The following LARGE1 variants were observed in gnomAD, a reference collection of about 807,000 sequenced individuals.
The protein encoded by LARGE1 is LARGE xylosyl- and glucuronyltransferase 1, also known as xylosyl- and glucuronyltransferase LARGE1.
In LARGE1, 43 loss-of-function variants were observed where a neutral mutation model predicts 87.6. That is an observed-to-expected ratio of 0.49 (90% confidence interval 0.38 to 0.63). LARGE1 has a LOEUF of 0.63. LARGE1 is among the 30% of genes least tolerant of loss of function. The pLI is 0.00. For synonymous variants in LARGE1, 434 were observed against 394.6 expected (o/e 1.10, Z -1.18); for missense variants, 802 against 1,000.2 (o/e 0.80, Z 2.67).
chr22:33,481,051 A>G (rs2069299181), intron 6 of LARGE1, among the ~76,000 whole-genome samples: 1 of 152,088 alleles, frequency 6.6e-6, no homozygotes, highest in Non-Finnish European at 1.5e-5. Context: ...CTCATCTCTT[A>G]TAATTTCCTG....
At chr22:33,754,643 C>A (rs578137882) in intron 2 of LARGE1, among the ~76,000 whole-genome samples, 1 of 152,266 alleles carries the variant, frequency 6.6e-6, no homozygotes, top group Non-Finnish European at 1.5e-5. Flanking sequence ...GCCAGCTCTT[C>A]ATTTTTGATC....
At chr22:33,187,901 A>G (rs137401) in intron 11 of LARGE1, among the ~76,000 whole-genome samples, 76,543 of 127,602 alleles carry the variant, frequency 0.6, 23,385 homozygotes, top group Middle Eastern at 0.67. Context: ...TCTCCTGGGC[A>G]ACAGAGTGAG....
At chr22:33,827,716 C>T (rs1310532241) in intron 1 of LARGE1, among the ~76,000 whole-genome samples, 5 of 152,036 alleles carry the variant, frequency 3.3e-5, no homozygotes, top group African/African-American at 1.2e-4. Context: ...CAAGTGGGCC[C>T]GTCACGGAGA....
chr22:33,862,210 C>T (rs193115939), intron 1 of LARGE1, among the ~76,000 whole-genome samples: 160 of 152,182 alleles, frequency 1.1e-3, no homozygotes, highest in African/African-American at 3.5e-3. Flanking sequence ...CGAGAGCTCA[C>T]GGCAAGTGGT....
intron 6 of LARGE1, among the ~76,000 whole-genome samples, chr22:33,458,518 G>A (rs1228948435): frequency 2.6e-5 from 4 of 151,684 alleles, no homozygotes; most frequent in Non-Finnish European, 4.4e-5. Context: ...CACAACCTCC[G>A]CTTCCCGGGT....
At chr22:33,339,175 A>G (rs1285319530) in intron 9 of LARGE1, among the ~76,000 whole-genome samples, 1 of 146,600 alleles carries the variant, frequency 6.8e-6, no homozygotes. Context: ...AAAAAAAAAG[A>G]AGAAGAAGAA....
intron 1 of LARGE1, among the ~76,000 whole-genome samples, chr22:33,841,561 C>T (rs1176495186): frequency 3.3e-5 from 5 of 152,206 alleles, no homozygotes; most frequent in African/African-American, 1.2e-4. Context: ...TGGGAAAGAA[C>T]ACACATACCT....
At chr22:33,811,483 C>G (rs1488250690) in intron 1 of LARGE1, among the ~76,000 whole-genome samples, 1 of 152,128 alleles carries the variant, frequency 6.6e-6, no homozygotes, top group Non-Finnish European at 1.5e-5. Context: ...GTTCAACCAA[C>G]AAAACCTGAG....
chr22:33,262,571 G>A (rs1459199180), intron 11 of LARGE1, among the ~76,000 whole-genome samples: 1 of 152,054 alleles, frequency 6.6e-6, no homozygotes, highest in Non-Finnish European at 1.5e-5. Flanking sequence ...GCCCCCACCT[G>A]TCAATGTTGG....
At chr22:33,495,924 T>C (rs182674737) in intron 6 of LARGE1, among the ~76,000 whole-genome samples, 1 of 152,096 alleles carries the variant, frequency 6.6e-6, no homozygotes, top group Admixed American at 6.6e-5. Context: ...CCTCTGTGAG[T>C]GTATTAGTCA....
Position 33,736,667 on chromosome 22 carries a change from T to G in LARGE1, c.106+24704A>C, listed in dbSNP as rs118143928. 2.1e-3 allele frequency among the ~76,000 whole-genome samples: 320 copies of G among 152,334 alleles called. 1 individual carries two copies. Among genetic ancestry groups the G allele is most frequent in the Non-Finnish European group, 3.7e-3 (252 of 68,028 alleles). Reference sequence around the variant, plus strand: ...TCAATTTATCTATTTTTTTCTTTTGTTGGTTGTGCTTCTAGTGTCATATCT... The same window carrying G: ...TCAATTTATCTATTTTTTTCTTTTGGTGGTTGTGCTTCTAGTGTCATATCT... On this transcript the variant is annotated intron_variant, in intron 2 of 14. Coordinates refer to ENST00000397394, the MANE Select transcript of LARGE1 (RefSeq NM_133642.5).
At chr22:33,365,186 G>A (rs1223453272) in intron 9 of LARGE1, among the ~76,000 whole-genome samples, 1 of 152,108 alleles carries the variant, frequency 6.6e-6, no homozygotes, top group East Asian at 1.9e-4. Context: ...TTCGCTCACT[G>A]ATGGCTGAAC....
intron 1 of LARGE1, among the ~76,000 whole-genome samples, chr22:33,788,130 T>A (rs1167738770): frequency 6.6e-6 from 1 of 152,140 alleles, no homozygotes; most frequent in African/African-American, 2.4e-5. Flanking sequence ...AATCCCCACA[T>A]GTCATGGGCA....
At chr22:33,369,042 A>C (rs961471159) in intron 9 of LARGE1, among the ~76,000 whole-genome samples, 7 of 152,144 alleles carry the variant, frequency 4.6e-5, no homozygotes, top group Non-Finnish European at 7.4e-5. Flanking sequence ...AGTTTCCCAC[A>C]TGGATCGACT....
chr22:33,084,253 A>G, the LARGE1 span, among the ~76,000 whole-genome samples: 1 of 152,222 alleles, frequency 6.6e-6, no homozygotes, highest in Non-Finnish European at 1.5e-5. Flanking sequence ...TTTGAATTCC[A>G]TCCCTTGACT....
At chr22:33,528,160 AAAATGTCCAATATTAAGGAT>A (rs1194290649) in intron 6 of LARGE1, among the ~76,000 whole-genome samples, 1 of 152,048 alleles carries the variant, frequency 6.6e-6, no homozygotes, top group East Asian at 1.9e-4. Context: ...AAAATCTCAC[AAAATGTCCAATATTAAGGAT>A]AATACAGTAG....
intron 5 of LARGE1, among the ~76,000 whole-genome samples, chr22:33,580,594 T>C (rs917956684): frequency 6.6e-6 from 1 of 152,156 alleles, no homozygotes; most frequent in African/African-American, 2.4e-5. Context: ...TGGCATCAGT[T>C]GTGATTTTCT....
intron 1 of LARGE1, among the ~76,000 whole-genome samples, chr22:33,827,090 C>T (rs530551291): frequency 3.7e-4 from 56 of 152,082 alleles, no homozygotes; most frequent in Middle Eastern, 3.4e-3. Flanking sequence ...GGACCGGGCA[C>T]GGTGGCTCAC....
intron 7 of LARGE1, among the ~76,000 whole-genome samples, chr22:33,402,869 G>A (rs1429358653): frequency 2.0e-5 from 3 of 152,154 alleles, no homozygotes; most frequent in African/African-American, 7.2e-5. Context: ...CTAGGACCCA[G>A]GCACTAGGCA....
Sources: gnomAD v4.1 joint callset for allele counts (sites outside exome capture counted in the v4.1 genomes callset) on GRCh38, gnomAD v4.1.1 for gene constraint, MANE v1.5 for transcripts, NCBI Gene and HGNC (gene_info 2026-07-23, HGNC 2026-07-21) for gene names.